HIVEP1: variants seen among roughly 807,000 people sequenced by gnomAD.
The protein encoded by HIVEP1 is zinc finger protein 40.
In HIVEP1, 36 loss-of-function variants were observed where a neutral mutation model predicts 180.0. The ratio of observed to expected loss-of-function variants is 0.20; its 90% CI spans 0.15 to 0.26. The LOEUF (loss-of-function observed/expected upper bound fraction) is 0.26, where lower values mean the gene tolerates loss of function less well. HIVEP1 is among the 10% of genes least tolerant of loss of function. The pLI, the probability that HIVEP1 is intolerant of heterozygous loss-of-function variation, is 1.00. For synonymous variants in HIVEP1, 1,239 were observed against 1,239.0 expected, an observed-to-expected ratio of 1.00 and a Z score of 0.00; for missense variants, 3,143 against 3,268.7, an observed-to-expected ratio of 0.96 and a Z score of 0.94.
At chr6:12,014,374 AT>A (rs35720756) in intron 1 of HIVEP1, among the ~76,000 whole-genome samples, 22 of 151,852 alleles carry the variant, frequency 1.4e-4, no homozygotes, top group African/African-American at 3.6e-4. Context: ...TACTTATCCA[AT>A]TTTTTTTTAA....
intron 4 of HIVEP1, 56 bp from the exon 5 acceptor site, chr6:12,129,703 T>G (rs3734271): frequency 0.068 from 93,282 of 1,364,584 alleles, 3,850 homozygotes; most frequent in Middle Eastern, 0.17. Context: ...AGTGAAAGAT[T>G]AGCATGCTTG....
chr6:12,119,772 T>C (rs1775445154), intron 3 of HIVEP1, 118 bp from the exon 4 acceptor site: 3 of 664,200 alleles, frequency 4.5e-6, no homozygotes, highest in Non-Finnish European at 5.0e-6. Flanking sequence ...AGACTTTCCT[T>C]AAATACTTTC....
intron 7 of HIVEP1, among the ~76,000 whole-genome samples, chr6:12,152,012 C>T (rs181128682): frequency 3.9e-5 from 6 of 152,132 alleles, no homozygotes; most frequent in African/African-American, 1.4e-4. Context: ...AAAAATTAGC[C>T]AGGCATGGTG....
the HIVEP1 span, among the ~76,000 whole-genome samples, chr6:12,208,637 G>A: frequency 1.4e-4 from 21 of 152,120 alleles, no homozygotes; most frequent in Admixed American, 1.0e-3. Flanking sequence ...AGTTAAAATG[G>A]GATCCTGGGA....
chr6:12,010,221 G>T (rs1561847015), upstream of HIVEP1, among the ~76,000 whole-genome samples: 1 of 152,150 alleles, frequency 6.6e-6, no homozygotes, highest in African/African-American at 2.4e-5. Context: ...TCATCGTAGG[G>T]TTAGCATTAG....
chr6:12,164,980 A>C lies in HIVEP1; in HGVS notation c.*519A>C, dbSNP rs928904062. 4.6e-5 allele frequency: 16 copies of C among 344,428 alleles called. No individual in the cohort carries two copies. Among genetic ancestry groups the C allele is most frequent in the Non-Finnish European group, 7.3e-5 (13 of 177,750 alleles). The allele number at this position is 344,428 out of a possible 1,614,324, so 21.3% of individuals were successfully genotyped here. A position where few individuals can be genotyped will look rare whatever the true frequency, so the allele number is the denominator to read the frequency against. Reference sequence around the variant, plus strand: ...TCTGTGTTATGAAATGTTTCAGTAAAATATTGTTTACTGACTTTACCATTG... The same window carrying C: ...TCTGTGTTATGAAATGTTTCAGTAACATATTGTTTACTGACTTTACCATTG... On this transcript the variant is annotated 3_prime_UTR_variant, in exon 9 of 9. Transcript: ENST00000379388.
intron 2 of HIVEP1, among the ~76,000 whole-genome samples, chr6:12,072,406 C>T (rs993086533): frequency 1.3e-5 from 2 of 152,046 alleles, no homozygotes; most frequent in Non-Finnish European, 2.9e-5. Flanking sequence ...CACTTCGTGC[C>T]CCTCCCTTTC....
upstream of HIVEP1, chr6:12,012,117 C>T (rs1179339747): frequency 6.8e-6 from 1 of 147,434 alleles, no homozygotes; most frequent in Admixed American, 6.8e-5. Flanking sequence ...TCCGCCCGCC[C>T]CGCCGCGGCG....
At chr6:12,092,893 G>A (rs777939536) in intron 3 of HIVEP1, among the ~76,000 whole-genome samples, 8 of 152,184 alleles carry the variant, frequency 5.3e-5, no homozygotes, top group Admixed American at 2.0e-4. Context: ...CAGCAAGCTC[G>A]TACAGGCTGA....
chr6:12,121,220 G>T lies in HIVEP1; in HGVS notation c.1425G>T (p.Leu475Phe), dbSNP rs753671085. The change falls in exon 4 of 9, where the codon TTG becomes TTT. Residue 475 changes from leucine to phenylalanine, a missense_variant. Transcript: ENST00000379388. This position sits in a 1 kb window ranked among gnomAD's most constrained non-coding sequence, Gnocchi z 5.3. ...VLQPDAGGLF[L>F]SHESPKALSI... ...AACCAGATGCTGGTGGCTTGTTCTTGTCCCACGAGTCCCCCAAAGCACTTA... is the reference window on the plus strand; with the variant it reads ...AACCAGATGCTGGTGGCTTGTTCTTTTCCCACGAGTCCCCCAAAGCACTTA... 4.3e-6 allele frequency: 7 copies of T among 1,614,128 alleles called. No individual in the cohort carries two copies. Among genetic ancestry groups the T allele is most frequent in the Middle Eastern group, 1.7e-4 (1 of 6,060 alleles).
chr6:12,120,550 T>A lies in HIVEP1; in HGVS notation c.755T>A (p.Val252Asp). Residue 252 changes from valine (V) to aspartate (D), a missense_variant, in exon 4 of 9, where the codon GTT becomes GAT. Physicochemically the swap from Val to Asp is radical, Grantham distance 152. Around this residue, in one of 12 missense-constraint regions of HIVEP1, gnomAD observed 306 missense variants for 310.6 expected, o/e 0.99. Coordinates refer to ENST00000379388, the MANE Select transcript of HIVEP1 (RefSeq NM_002114.4). ...CCAAATCAGACTTCACAGGAATTGGTTGCTGAATCACAGTCTTCTTGTACC... is the reference window on the plus strand; with the variant it reads ...CCAAATCAGACTTCACAGGAATTGGATGCTGAATCACAGTCTTCTTGTACC... ...DAPNQTSQEL[V>D]AESQSSCTSY... 6 of 1,614,224 alleles carry A rather than the reference T, an allele frequency of 3.7e-6. No individual in the cohort carries two copies. The highest frequency in any genetic ancestry group is 5.1e-6 in the Non-Finnish European group (6 of 1,180,030).
intron 3 of HIVEP1, among the ~76,000 whole-genome samples, chr6:12,101,108 A>G (rs1452860101): frequency 6.6e-6 from 1 of 152,202 alleles, no homozygotes; most frequent in African/African-American, 2.4e-5. Context: ...TATTTATTTC[A>G]TGACACTTCA....
intron 7 of HIVEP1, among the ~76,000 whole-genome samples, chr6:12,146,055 GGGGTAAA>G (rs1478458951): frequency 6.6e-6 from 1 of 152,170 alleles, no homozygotes; most frequent in Non-Finnish European, 1.5e-5. Flanking sequence ...CAGGAGAAAT[GGGGTAAA>G]CCTTTTTTTA....
At chr6:12,087,696 G>A (rs1286556343) in intron 2 of HIVEP1, among the ~76,000 whole-genome samples, 3 of 152,064 alleles carry the variant, frequency 2.0e-5, no homozygotes. Context: ...TCTGTCTGAA[G>A]CAAAACTACC....
At chr6:12,075,420 A>G (rs1772287014) in intron 2 of HIVEP1, among the ~76,000 whole-genome samples, 1 of 152,100 alleles carries the variant, frequency 6.6e-6, no homozygotes, top group Admixed American at 6.6e-5. Context: ...GGCTCAGATG[A>G]TTTTTAGGGG....
At chr6:12,138,918 T>G (rs2113601837) in intron 7 of HIVEP1, among the ~76,000 whole-genome samples, 1 of 151,912 alleles carries the variant, frequency 6.6e-6, no homozygotes, top group South Asian at 2.1e-4. Context: ...GCCTCTAATC[T>G]ACCAGTAAAA....
chr6:12,200,918 G>A, the HIVEP1 span, among the ~76,000 whole-genome samples: 1 of 152,168 alleles, frequency 6.6e-6, no homozygotes, highest in Non-Finnish European at 1.5e-5. Context: ...TTGGCCTTAT[G>A]TAATCCTTGG....
intron 2 of HIVEP1, among the ~76,000 whole-genome samples, chr6:12,059,432 A>G (rs1771089359): frequency 6.6e-6 from 1 of 152,230 alleles, no homozygotes; most frequent in African/African-American, 2.4e-5. Context: ...ACAGCAATGA[A>G]TAATTTGAGT....
chr6:12,146,935 G>A (rs1451586881), intron 7 of HIVEP1, among the ~76,000 whole-genome samples: 1 of 152,030 alleles, frequency 6.6e-6, no homozygotes, highest in Non-Finnish European at 1.5e-5. Flanking sequence ...TGGCCAAAGT[G>A]GTCCCAGAAG....
Sources: allele counts gnomAD v4.1 joint callset (sites outside exome capture counted in the v4.1 genomes callset), GRCh38; gene constraint gnomAD v4.1.1; regional missense constraint gnomAD v4.1.1; non-coding constraint Gnocchi (gnomAD v3.1); transcripts MANE v1.5; gene names NCBI Gene and HGNC (gene_info 2026-07-23, HGNC 2026-07-21).